Variants in HSD17B4 observed in about 807,000 individuals in gnomAD.
The protein encoded by HSD17B4 is peroxisomal multifunctional enzyme type 2.
HSD17B4 carries 70 observed loss-of-function variants against 101.0 expected under a neutral mutation model. The ratio of observed to expected loss-of-function variants is 0.69; its 90% confidence interval spans 0.57 to 0.85. The LOEUF is 0.85. Ranked by LOEUF, HSD17B4 falls within the 40% of genes least tolerant of loss-of-function variation. The pLI is 0.00. For synonymous variants in HSD17B4, 347 were observed against 297.1 expected, an observed-to-expected ratio of 1.17 and a Z score of -1.73; for missense variants, 984 against 892.4, an observed-to-expected ratio of 1.10 and a Z score of -1.31.
intron 17 of HSD17B4, among the ~76,000 whole-genome samples, chr5:119,515,279 A>T (rs1752517544): frequency 6.6e-6 from 1 of 152,116 alleles, no homozygotes; most frequent in Non-Finnish European, 1.5e-5. Flanking sequence ...GTTTTTTATT[A>T]GTCAATTTAA....
chr5:119,463,001 C>T (rs1580515595), intron 2 of HSD17B4, among the ~76,000 whole-genome samples: 1 of 152,078 alleles, frequency 6.6e-6, no homozygotes, highest in Non-Finnish European at 1.5e-5. Context: ...CTTCCTATTC[C>T]CCTCTTCCCT....
chr5:119,505,835 G>A (rs1364318300), intron 14 of HSD17B4, among the ~76,000 whole-genome samples: 1 of 151,806 alleles, frequency 6.6e-6, no homozygotes, highest in Non-Finnish European at 1.5e-5. Context: ...AGTATTGGTT[G>A]TATGCTCAAC....
chr5:119,503,400 T>G (rs1323990086), intron 14 of HSD17B4, among the ~76,000 whole-genome samples: 1 of 152,176 alleles, frequency 6.6e-6, no homozygotes, highest in East Asian at 1.9e-4. Context: ...CAAGTTATAT[T>G]TCTCATGAAT....
intron 22 of HSD17B4, among the ~76,000 whole-genome samples, chr5:119,533,289 C>T (rs199522763): frequency 0.058 from 8,620 of 147,694 alleles, 332 homozygotes; most frequent in Non-Finnish European, 0.081. Flanking sequence ...GACAGGATGC[C>T]TTTTTTTTTT....
intron 16 of HSD17B4, among the ~76,000 whole-genome samples, chr5:119,511,196 C>A (rs1412467062): frequency 6.6e-6 from 1 of 152,202 alleles, no homozygotes; most frequent in African/African-American, 2.4e-5. Flanking sequence ...ACACAAAGTT[C>A]TGACCCTCTT....
In HSD17B4 at chr5:119,493,933, T is replaced by G. The variant is rs1750356085; in HGVS notation, c.855T>G (p.Pro285=). 6.2e-7 allele frequency: 1 copy of G among 1,613,102 alleles called. No individual in the cohort carries two copies. Among genetic ancestry groups the G allele is most frequent in the Non-Finnish European group, 8.5e-7 (1 of 1,179,394 alleles). The change falls in exon 11 of 24, where the codon CCT becomes CCG. Residue 285 remains proline, a synonymous_variant. Coordinates refer to ENST00000510025, the MANE Select transcript of HSD17B4 (RefSeq NM_000414.4). ...GTGACTTTGAGAATGCCAGCAAGCC[T>G]CAGAGTATCCAAGGTAAAGAGAGTC... The part of the protein sequence containing the change: ...KICDFENASK[P]QSIQESTGSI...
At position 119,478,918 on chromosome 5, in the gene HSD17B4, C is replaced by T. The variant is rs770301555; in HGVS notation, c.519C>T (p.Gly173=). 2.5e-6 allele frequency: 4 copies of T among 1,613,434 alleles called. No individual in the cohort carries two copies. In the South Asian group the frequency reaches 4.4e-5, roughly 18 times the overall value. Residue 173 remains glycine (G), a synonymous_variant, in exon 8 of 24, where the codon GGC becomes GGT. Transcript: ENST00000510025. The stretch of plus-strand genomic sequence containing the variant: ...GTGCTGCAAAGTTGGGTCTTCTGGG[C>T]CTTGCAAATTCTCTTGCAATTGAAG... ...NYSAAKLGLL[G]LANSLAIEGR...
At chr5:119,521,474 T>C (rs925717188) in intron 17 of HSD17B4, among the ~76,000 whole-genome samples, 1 of 152,118 alleles carries the variant, frequency 6.6e-6, no homozygotes, top group Non-Finnish European at 1.5e-5. Flanking sequence ...TTTCACTGTT[T>C]TGCTTTTCTT....
intron 17 of HSD17B4, among the ~76,000 whole-genome samples, chr5:119,524,457 G>A (rs977800457): frequency 6.6e-6 from 1 of 152,146 alleles, no homozygotes; most frequent in South Asian, 2.1e-4. Flanking sequence ...TCTTGAGGCT[G>A]ACCTAAAAGG....
At chr5:119,516,292 T>C (rs543900060) in intron 17 of HSD17B4, among the ~76,000 whole-genome samples, 1 of 152,258 alleles carries the variant, frequency 6.6e-6, no homozygotes, top group East Asian at 1.9e-4. Flanking sequence ...GTTAGAGTAC[T>C]AAAAAACAGA....
At chr5:119,539,844 C>T (rs903464048) in intron 23 of HSD17B4, among the ~76,000 whole-genome samples, 1 of 147,102 alleles carries the variant, frequency 6.8e-6, no homozygotes, top group African/African-American at 2.5e-5. Flanking sequence ...AGTTCCAGCA[C>T]TTTGGGAGGC....
At chr5:119,512,984 G>A (rs900687211) in intron 16 of HSD17B4, among the ~76,000 whole-genome samples, 9 of 152,204 alleles carry the variant, frequency 5.9e-5, no homozygotes, top group Non-Finnish European at 1.3e-4. Context: ...TATGTGTATT[G>A]TGTCAGTAAA....
chr5:119,500,213 T>C (rs750834881), intron 13 of HSD17B4, among the ~76,000 whole-genome samples: 1 of 151,942 alleles, frequency 6.6e-6, no homozygotes, highest in Non-Finnish European at 1.5e-5. Context: ...GAGTCTATTA[T>C]AGTAATCCAA....
intron 9 of HSD17B4, among the ~76,000 whole-genome samples, chr5:119,490,206 A>C (rs1449371531): frequency 6.6e-6 from 1 of 152,148 alleles, no homozygotes; most frequent in Non-Finnish European, 1.5e-5. Context: ...ATGCACCTCC[A>C]CTTTCCTAAT....
At chr5:119,461,933 G>C (rs905290683) in intron 2 of HSD17B4, among the ~76,000 whole-genome samples, 5 of 152,152 alleles carry the variant, frequency 3.3e-5, no homozygotes, top group East Asian at 1.9e-4. Context: ...AATATAGCAC[G>C]TATTTGACAA....
intron 8 of HSD17B4, among the ~76,000 whole-genome samples, chr5:119,479,445 A>T (rs988491656): frequency 6.6e-6 from 1 of 152,158 alleles, no homozygotes; most frequent in South Asian, 2.1e-4. Context: ...TGGTATATTT[A>T]TTACAATTGA....
intron 2 of HSD17B4, 148 bp from the exon 3 acceptor site, chr5:119,473,760 G>A (rs1748274028): frequency 1.5e-6 from 1 of 684,340 alleles, no homozygotes; most frequent in Non-Finnish European, 2.7e-6. Context: ...GCTGTGTTGT[G>A]TTTAGTAAGA....
intron 8 of HSD17B4, among the ~76,000 whole-genome samples, chr5:119,486,251 G>A (rs1247009383): frequency 1.3e-5 from 2 of 152,068 alleles, no homozygotes; most frequent in African/African-American, 4.8e-5. Flanking sequence ...CTATCCTGTT[G>A]ATCACACAGA....
At chr5:119,469,851 A>G (rs1756180324) in intron 2 of HSD17B4, among the ~76,000 whole-genome samples, 2 of 152,202 alleles carry the variant, frequency 1.3e-5, no homozygotes, top group Admixed American at 6.5e-5. Flanking sequence ...TGTAATCAAC[A>G]TCAACAGTGT....
Sources: gnomAD v4.1 joint callset for allele counts (sites outside exome capture counted in the v4.1 genomes callset) on GRCh38, gnomAD v4.1.1 for gene constraint, MANE v1.5 for transcripts, NCBI Gene and HGNC (gene_info 2026-07-23, HGNC 2026-07-21) for gene names.